Variants in NME7 observed in about 807,000 individuals in gnomAD.
NME7 encodes the protein NME/NM23 family member 7, also known as nucleoside diphosphate kinase 7.
A neutral mutation model predicts 49.1 loss-of-function variants in NME7; 41 were observed. The observed-to-expected ratio is 0.83, with a 90% CI of 0.65 to 1.08. NME7 has a LOEUF of 1.08. Among genes scored for constraint, NME7 ranks in the 50% least tolerant of loss-of-function variants. The pLI is 0.00. For missense variants in NME7, 423 were observed against 463.4 expected (o/e 0.91, Z 0.80); for synonymous variants, 139 against 150.6 (o/e 0.92, Z 0.56).
intron 11 of NME7, among the ~76,000 whole-genome samples, chr1:169,136,979 T>TA (rs1245030671): frequency 6.6e-6 from 1 of 152,252 alleles, no homozygotes; most frequent in Non-Finnish European, 1.5e-5. Flanking sequence ...CTTGAACACT[T>TA]AGAGAATCTA....
Position 169,219,620 on chromosome 1 carries a change from G to A in NME7, c.990+11098C>T, listed in dbSNP as rs997383126. 4.6e-5 allele frequency among the ~76,000 whole-genome samples: 7 copies of A among 151,960 alleles called. No homozygotes were observed. The East Asian group carries it at 5.8e-4, about 13-fold the overall frequency. ...TCACTGTGTTGCCCAGGCTAGTCTC[G>A]AGCTCCTGAGCTCAAGTGATCCTTA... On this transcript the variant is annotated intron_variant, in intron 10 of 11. Transcript: ENST00000367811.
At chr1:169,280,857 G>A (rs929727304) in intron 7 of NME7, among the ~76,000 whole-genome samples, 1 of 151,036 alleles carries the variant, frequency 6.6e-6, no homozygotes. Context: ...GGTTACTGTA[G>A]CCTTGTAGTA....
At chr1:169,355,785 C>T (rs1219958073) in intron 1 of NME7, among the ~76,000 whole-genome samples, 1 of 152,020 alleles carries the variant, frequency 6.6e-6, no homozygotes, top group East Asian at 1.9e-4. Context: ...TTTTCCATAA[C>T]ACTTATCAAA....
At chr1:169,278,868 G>C (rs571382485) in intron 7 of NME7, among the ~76,000 whole-genome samples, 7 of 152,106 alleles carry the variant, frequency 4.6e-5, no homozygotes, top group Non-Finnish European at 1.0e-4. Flanking sequence ...TTTTGGTGTG[G>C]ATGTTCTTTC....
chr1:169,322,722 A>C (rs1161381149), intron 3 of NME7, among the ~76,000 whole-genome samples: 1 of 151,838 alleles, frequency 6.6e-6, no homozygotes, highest in Non-Finnish European at 1.5e-5. Context: ...AATAGGCAGC[A>C]TTAGTTACAA....
rs1394538224 is a variant in NME7 at position 169,267,139 on chromosome 1, G to A, written c.754+20164C>T. 3.0e-5 allele frequency among the ~76,000 whole-genome samples: 4 copies of A among 133,520 alleles called. 2 individuals are homozygous for A. Among genetic ancestry groups the A allele is most frequent in the Non-Finnish European group, 7.0e-5 (4 of 56,942 alleles). The allele number at this position is 133,520 out of a possible 152,430, so 87.6% of individuals were successfully genotyped here. ...TTCTTACACAGCGCCCAAGCTGAGA[G>A]CCAAATCAGGAATACAATCCCATTT... is the stretch of plus-strand genomic sequence containing the variant. On this transcript the variant is annotated intron_variant, in intron 7 of 11. Transcript: ENST00000367811.
At chr1:169,224,674 C>T (rs559956586) in intron 10 of NME7, among the ~76,000 whole-genome samples, 8 of 152,066 alleles carry the variant, frequency 5.3e-5, no homozygotes, top group East Asian at 1.9e-4. Context: ...TATTCTATTT[C>T]GAAAAATCTA....
chr1:169,218,251 C>T (rs1661029786), intron 10 of NME7, among the ~76,000 whole-genome samples: 1 of 152,110 alleles, frequency 6.6e-6, no homozygotes, highest in Non-Finnish European at 1.5e-5. Flanking sequence ...CCTCTGTATC[C>T]TAAATGACTT....
chr1:169,308,872 T>C (rs1651281239), intron 4 of NME7, among the ~76,000 whole-genome samples: 1 of 152,122 alleles, frequency 6.6e-6, no homozygotes, highest in African/African-American at 2.4e-5. Flanking sequence ...TATTTACCTA[T>C]CTAGGTAAAA....
intron 7 of NME7, among the ~76,000 whole-genome samples, chr1:169,244,362 G>T (rs1354690687): frequency 3.3e-5 from 5 of 152,148 alleles, no homozygotes; most frequent in African/African-American, 9.7e-5. Context: ...GCCAGGTGCG[G>T]TGGCTCACGC....
intron 1 of NME7, among the ~76,000 whole-genome samples, chr1:169,346,773 A>T (rs78566263): frequency 6.6e-6 from 1 of 152,196 alleles, no homozygotes; most frequent in Non-Finnish European, 1.5e-5. Flanking sequence ...CATATATCAG[A>T]TATCTATTAA....
chr1:169,244,640 A>C (rs2101837403), intron 7 of NME7, among the ~76,000 whole-genome samples: 1 of 151,660 alleles, frequency 6.6e-6, no homozygotes, highest in East Asian at 1.9e-4. Flanking sequence ...CATCTCAAAA[A>C]AAAAAAAAAA....
chr1:169,200,032 T>G (rs549379890), intron 10 of NME7, among the ~76,000 whole-genome samples: 78 of 151,064 alleles, frequency 5.2e-4, no homozygotes, highest in Non-Finnish European at 7.8e-4. Flanking sequence ...AAATATATAC[T>G]GAAAGTCAAC....
chr1:169,228,681 C>T (rs1483350725), intron 10 of NME7, among the ~76,000 whole-genome samples: 2 of 97,976 alleles, frequency 2.0e-5, no homozygotes, highest in African/African-American at 3.9e-5. Context: ...GAGACTCCGT[C>T]TCAAAAAAAA....
chr1:169,276,722 C>A (rs1649746780), intron 7 of NME7, among the ~76,000 whole-genome samples: 1 of 133,014 alleles, frequency 7.5e-6, no homozygotes, highest in Non-Finnish European at 1.8e-5. Flanking sequence ...TTCTTGCCTT[C>A]TGCTAGCTTT....
At chr1:169,353,076 G>T (rs963605602) in intron 1 of NME7, among the ~76,000 whole-genome samples, 6 of 151,672 alleles carry the variant, frequency 4.0e-5, no homozygotes, top group African/African-American at 1.5e-4. Flanking sequence ...AAAAGACTCA[G>T]AATAGCCAAA....
chr1:169,320,005 A>G (rs1331621939), intron 3 of NME7, among the ~76,000 whole-genome samples: 2 of 152,212 alleles, frequency 1.3e-5, no homozygotes, highest in Non-Finnish European at 2.9e-5. Flanking sequence ...TACCTCACTT[A>G]TCACATGGGG....
chr1:169,332,564 C>G (rs1652297345), intron 1 of NME7, among the ~76,000 whole-genome samples: 1 of 152,142 alleles, frequency 6.6e-6, no homozygotes. Flanking sequence ...TATTTGCAAA[C>G]TACCAATCTG....
intron 7 of NME7, among the ~76,000 whole-genome samples, chr1:169,279,206 C>G (rs1649890860): frequency 6.6e-6 from 1 of 152,198 alleles, no homozygotes; most frequent in African/African-American, 2.4e-5. Context: ...AGAACCACTG[C>G]TCTCTTCAAA....
Sources: allele counts gnomAD v4.1 joint callset (sites outside exome capture counted in the v4.1 genomes callset), GRCh38; gene constraint gnomAD v4.1.1; transcripts MANE v1.5; gene names NCBI Gene and HGNC (gene_info 2026-07-23, HGNC 2026-07-21).